Variants in TECR observed in about 807,000 individuals in gnomAD.
TECR encodes trans-2,3-enoyl-CoA reductase, also known as very-long-chain enoyl-CoA reductase.
In TECR, 19 loss-of-function variants were observed where a neutral mutation model predicts 50.6. The ratio of observed to expected loss-of-function variants is 0.38; its 90% confidence interval spans 0.26 to 0.55. The LOEUF (loss-of-function observed/expected upper bound fraction) is 0.55. Among genes scored for constraint, TECR ranks in the 20% least tolerant of loss-of-function variants. The pLI is 0.79. For synonymous variants in TECR, 168 were observed against 163.5 expected (o/e 1.03, Z -0.21); for missense variants, 313 against 408.3 (o/e 0.77, Z 2.01).
intron 1 of TECR, among the ~76,000 whole-genome samples, chr19:14,540,421 C>T (rs1031434911): frequency 4.0e-5 from 6 of 150,904 alleles, no homozygotes; most frequent in Non-Finnish European, 8.8e-5. Flanking sequence ...GAGGCAGAGT[C>T]GTGCTCTGTC....
chr19:14,538,500 C>T (rs955929861), intron 1 of TECR, among the ~76,000 whole-genome samples: 3 of 151,614 alleles, frequency 2.0e-5, no homozygotes, highest in African/African-American at 7.3e-5. Flanking sequence ...CTTTTGGCAC[C>T]TGACCTCTTT....
chr19:14,542,455 G>A (rs574085334), intron 1 of TECR, among the ~76,000 whole-genome samples: 16 of 142,810 alleles, frequency 1.1e-4, no homozygotes, highest in Non-Finnish European at 2.0e-4. Flanking sequence ...TCCGCCTCCC[G>A]GGTTCAATCA....
In TECR at chr19:14,564,089, A is replaced by G; in HGVS notation, c.375A>G (p.Thr125=). 1.2e-6 allele frequency: 2 copies of G among 1,612,204 alleles called. No homozygotes were observed. Among genetic ancestry groups the G allele is most frequent in the South Asian group, 1.1e-5 (1 of 91,080 alleles). Reference sequence around the variant, plus strand: ...ATGACTTTACGTCCAGTCGGCATACAGTGGTGCAGTAAGTGGGGCAGGTGG... The same window carrying G: ...ATGACTTTACGTCCAGTCGGCATACGGTGGTGCAGTAAGTGGGGCAGGTGG... ...HKYDFTSSRH[T]VVHLACICHS... is the part of the protein sequence containing the mutation. Residue 125 remains threonine (T), a synonymous_variant, in exon 6 of 13, where the codon ACA becomes ACG. Coordinates refer to ENST00000215567, the MANE Select transcript of TECR (RefSeq NM_138501.6).
At chr19:14,556,639 G>A (rs994711169) in intron 1 of TECR, among the ~76,000 whole-genome samples, 2 of 152,170 alleles carry the variant, frequency 1.3e-5, no homozygotes, top group Admixed American at 1.3e-4. Context: ...GAAGGAGGGA[G>A]TCAGGAATGA....
chr19:14,555,128 G>A (rs1054433315), intron 1 of TECR, among the ~76,000 whole-genome samples: 32 of 151,688 alleles, frequency 2.1e-4, no homozygotes, highest in Non-Finnish European at 3.4e-4. Flanking sequence ...AGGCAGGGGT[G>A]CCGTAGTGTA....
chr19:14,550,821 C>T (rs577012486), intron 1 of TECR, among the ~76,000 whole-genome samples: 69 of 152,120 alleles, frequency 4.5e-4, no homozygotes, highest in African/African-American at 1.6e-3. Context: ...GCTGGGACTA[C>T]AGGCCCGTAC....
chr19:14,557,453 T>G (rs1166720370), intron 1 of TECR, among the ~76,000 whole-genome samples: 1 of 149,300 alleles, frequency 6.7e-6, no homozygotes, highest in East Asian at 2.0e-4. Flanking sequence ...ATCATATTTA[T>G]TCTTTTTTTA....
intron 1 of TECR, among the ~76,000 whole-genome samples, chr19:14,546,896 G>C (rs1197283978): frequency 1.3e-5 from 2 of 152,136 alleles, no homozygotes; most frequent in Non-Finnish European, 2.9e-5. Context: ...CACTATGTTG[G>C]CCAGGCTGGT....
At chr19:14,532,320 C>CG (rs1414704550) in intron 1 of TECR, 1 of 151,496 alleles carries the variant, frequency 6.6e-6, no homozygotes, top group Non-Finnish European at 1.5e-5. Context: ...CTGAGGTGGC[C>CG]GGATCGCTTG....
intron 1 of TECR, among the ~76,000 whole-genome samples, chr19:14,557,419 G>C (rs1255339047): frequency 1.3e-5 from 2 of 150,946 alleles, no homozygotes; most frequent in Admixed American, 1.3e-4. Context: ...GGGATTACAG[G>C]TGTGAGCCAT....
chr19:14,535,756 CAAAAAA>C (rs1161257175), intron 1 of TECR, among the ~76,000 whole-genome samples: 1 of 51,944 alleles, frequency 1.9e-5, no homozygotes, highest in South Asian at 1.1e-3. Context: ...GACTCTGTCT[CAAAAAA>C]AAAAAAAAAA....
intron 1 of TECR, among the ~76,000 whole-genome samples, chr19:14,541,782 C>G (rs1408426791): frequency 6.7e-6 from 1 of 149,906 alleles, no homozygotes; most frequent in Non-Finnish European, 1.5e-5. Flanking sequence ...GACTTCTTTT[C>G]ATTTTTTTTT....
chr19:14,565,000 G>C lies in TECR; in HGVS notation c.606+8G>C. 1 of 1,614,050 alleles carries C rather than the reference G, an allele frequency of 6.2e-7. No homozygotes were observed. The highest frequency in any genetic ancestry group is 8.5e-7 in the Non-Finnish European group (1 of 1,180,038). ...GCGCTCGCCATCTTTGTGGTAAGGA[G>C]GCTGGGTGTGGGGACGGGGTCGGGG... On this transcript the variant is annotated splice_region_variant and intron_variant, in intron 9 of 12. Transcript: ENST00000215567.
intron 1 of TECR, chr19:14,530,340 G>A (rs1400446891): frequency 1.3e-5 from 2 of 154,554 alleles, no homozygotes; most frequent in Non-Finnish European, 2.9e-5. Flanking sequence ...CAAGTCTTCT[G>A]ACTCCTAACT....
intron 1 of TECR, among the ~76,000 whole-genome samples, chr19:14,544,121 G>T (rs1418193351): frequency 6.6e-6 from 1 of 151,994 alleles, no homozygotes; most frequent in Non-Finnish European, 1.5e-5. Context: ...CCAAATACTG[G>T]TGTGGGGATG....
chr19:14,555,162 T>C (rs2073674314), intron 1 of TECR, among the ~76,000 whole-genome samples: 1 of 151,798 alleles, frequency 6.6e-6, no homozygotes, highest in African/African-American at 2.4e-5. Context: ...CACTGCAGCC[T>C]GGAACTCCTA....
At chr19:14,538,360 G>A (rs117959098) in intron 1 of TECR, among the ~76,000 whole-genome samples, 2,072 of 152,072 alleles carry the variant, frequency 0.014, 39 homozygotes, top group Admixed American at 0.029. Context: ...CGACACCTGG[G>A]GGCCTGTGGG....
At chr19:14,550,364 C>T (rs2073455251) in intron 1 of TECR, among the ~76,000 whole-genome samples, 2 of 152,130 alleles carry the variant, frequency 1.3e-5, no homozygotes, top group African/African-American at 2.4e-5. Context: ...GCAAGCTGAG[C>T]TCATGGGGGT....
In TECR at chr19:14,565,817, G is replaced by A. The variant is rs147656694; in HGVS notation, c.873G>A (p.Lys291=). ...WAKGKHRSYL[K]EFRDYPPLRM... ...AGGGCAAGCACCGCAGCTACCTGAA[G>A]GAGTTCCGGGACTACCCGCCCCTGC... The change falls in exon 13 of 13, where the codon AAG becomes AAA. Residue 291 remains lysine (K), a synonymous_variant. Transcript: ENST00000215567. 2.2e-4 allele frequency: 356 copies of A among 1,600,642 alleles called. 5 individuals carry two copies. The African/African-American group carries it at 3.5e-3, about 16-fold the overall frequency.
Sources: allele counts gnomAD v4.1 joint callset (sites outside exome capture counted in the v4.1 genomes callset), GRCh38; gene constraint gnomAD v4.1.1; transcripts MANE v1.5; gene names NCBI Gene and HGNC (gene_info 2026-07-23, HGNC 2026-07-21).